The following SURF1 variants were observed in gnomAD, a reference collection of about 807,000 sequenced individuals.
SURF1 encodes the protein SURF1 cytochrome c oxidase assembly factor, also known as surfeit locus protein 1.
SURF1 carries 45 observed loss-of-function variants against 34.1 expected under a neutral mutation model. The ratio of observed to expected loss-of-function variants is 1.32; its 90% CI spans 1.04 to 1.69. SURF1 has a LOEUF of 1.69. Ranked by LOEUF, SURF1 falls within the 40% of genes most tolerant of loss-of-function variation. The pLI is 0.00. For synonymous variants in SURF1, 188 were observed against 147.5 expected (o/e 1.27, Z -1.99); for missense variants, 456 against 384.6 (o/e 1.19, Z -1.55).
chr9:133,352,343 T>A, intron 7 of SURF1, 103 bp downstream of exon 7: 2 of 1,577,516 alleles, frequency 1.3e-6, no homozygotes. Context: ...CATATACACA[T>A]GTGAGAACAT....
rs2130019668 is a variant in SURF1, at chr9:133,354,907, C to T, written c.157G>A (p.Ala53Thr). ...AAGGAGTCATCTTCCGCTTTTGTGGCAGATGCTTCTGCTGCAGAACTGCCA... is the reference window on the plus strand; with the variant it reads ...AAGGAGTCATCTTCCGCTTTTGTGGTAGATGCTTCTGCTGCAGAACTGCCA... ...RCGSSAAEAS[A>T]TKAEDDSFLQ... is the part of the protein sequence containing the mutation. Residue 53 changes from alanine to threonine, a missense_variant, in exon 3 of 9, where the codon GCC becomes ACC. By Grantham distance (58) the Ala-to-Thr change is moderately conservative. Coordinates refer to ENST00000371974, the MANE Select transcript of SURF1 (RefSeq NM_003172.4). 1.2e-6 allele frequency: 2 copies of T among 1,613,908 alleles called. No homozygotes were observed. The highest frequency in any genetic ancestry group is 2.2e-5 in the East Asian group (1 of 44,882).
intron 2 of SURF1, among the ~76,000 whole-genome samples, chr9:133,355,635 G>A (rs2130022241): frequency 0.53 from 79,802 of 151,978 alleles, 21,285 homozygotes; most frequent in African/African-American, 0.58. Flanking sequence ...ACTAGTGGTT[G>A]TTGTGTTATG....
At chr9:133,354,781 G>A in intron 3 of SURF1, 40 bp from the exon 4 acceptor site, 1 of 1,613,800 alleles carries the variant, frequency 6.2e-7, no homozygotes, top group Non-Finnish European at 8.5e-7. Flanking sequence ...ATGGCAGCAA[G>A]GTCAAGGGCC....
intron 1 of SURF1, 39 bp from the exon 2 acceptor site, chr9:133,356,359 T>TCCCTGCGCCCCGCA: frequency 2.2e-6 from 2 of 898,932 alleles, no homozygotes; most frequent in Non-Finnish European, 3.0e-6. Context: ...CCGGGACCCC[T>TCCCTGCGCCCCGCA]CCCCGCGCCC....
rs373355971 is a variant in SURF1, at chr9:133,352,606, A to C, written c.591T>G (p.Ile197Met). The C allele has an allele frequency of 9.3e-6, 15 of 1,613,982 alleles. No individual in the cohort carries two copies. The highest frequency in any genetic ancestry group is 1.1e-5 in the Non-Finnish European group (13 of 1,180,004). ...VNPETRQKGQ[I>M]EGEVDLIGMV... ...TCCCAATGAGGTCCACTTCTCCCTC[A>C]ATCTATAAAGGAAGGTGTGTGAGAT... The change falls in exon 7 of 9, where the codon ATT becomes ATG. Residue 197 changes from isoleucine (I) to methionine (M), a missense_variant and splice_region_variant. Coordinates refer to ENST00000371974, the MANE Select transcript of SURF1 (RefSeq NM_003172.4).
Position 133,354,815 on chromosome 9 carries a change from G to T in SURF1, c.240+9C>A, listed in dbSNP as rs2130018887. The T allele has an allele frequency of 5.0e-6, 8 of 1,613,738 alleles. No homozygotes were observed. The South Asian group carries it at 8.8e-5, about 18-fold the overall frequency. ...CCCAGAGTTACGCACACCAGATGCC[G>T]GTCTTTACCTGCCATGTCCCCAAGC... On this transcript the variant is annotated intron_variant, in intron 3 of 8. Coordinates refer to ENST00000371974, the MANE Select transcript of SURF1 (RefSeq NM_003172.4).
In SURF1 at chr9:133,354,818, C is replaced by G. The variant is rs2130018925; in HGVS notation, c.240+6G>C. 2.5e-6 allele frequency: 4 copies of G among 1,613,678 alleles called. No individual in the cohort carries two copies. The highest frequency in any genetic ancestry group is 2.2e-5 in the South Asian group (2 of 91,090). Reference sequence around the variant, plus strand: ...AGAGTTACGCACACCAGATGCCGGTCTTTACCTGCCATGTCCCCAAGCCAA... The same window carrying G: ...AGAGTTACGCACACCAGATGCCGGTGTTTACCTGCCATGTCCCCAAGCCAA... On this transcript the variant is annotated splice_donor_region_variant and intron_variant, in intron 3 of 8. Transcript: ENST00000371974.
intron 5 of SURF1, 24 bp from the exon 6 acceptor site, chr9:133,352,790 C>A (rs2130010271): frequency 3.1e-6 from 5 of 1,600,922 alleles, no homozygotes; most frequent in Non-Finnish European, 4.3e-6. Context: ...AGTGCTACTT[C>A]AGGTGGGGAG....
rs889239284 is a variant in SURF1 at position 133,352,610 on chromosome 9, TATAA to T, written c.589-6_589-3del. ...AATGAGGTCCACTTCTCCCTCAATC[TATAA>T]AGGAAGGTGTGTGAGATTGCATGGA... On this transcript the variant is annotated splice_polypyrimidine_tract_variant and splice_region_variant and intron_variant, in intron 6 of 8. Transcript: ENST00000371974. The T allele has an allele frequency of 6.2e-7, 1 of 1,614,158 alleles. No individual in the cohort carries two copies. The highest frequency in any genetic ancestry group is 1.7e-5 in the Admixed American group (1 of 60,024).
At chr9:133,352,195 A>C in intron 7 of SURF1, 53 bp from the exon 8 acceptor site, 2 of 1,529,238 alleles carry the variant, frequency 1.3e-6, no homozygotes, top group Non-Finnish European at 1.8e-6. Flanking sequence ...CAGCCTCTGC[A>C]CCACTTCCTA....
rs2130007067 is a variant in SURF1 at position 133,352,465 on chromosome 9, G to A, written c.732C>T (p.Ile244=). The change falls in exon 7 of 9, where the codon ATC becomes ATT. Residue 244 remains isoleucine, a synonymous_variant. Transcript: ENST00000371974. ...AMARITGAEP[I]FIDANFQSTV... ...ACGTACGGAAGTTGGCATCAATGAA[G>A]ATGGGCTCTGCGCCTGTGATTCTGG... 2 of 1,614,242 alleles carry A rather than the reference G, an allele frequency of 1.2e-6. No homozygotes were observed. Among genetic ancestry groups the A allele is most frequent in the Non-Finnish European group, 1.7e-6 (2 of 1,180,048 alleles).
intron 5 of SURF1, among the ~76,000 whole-genome samples, 165 bp downstream of exon 5, chr9:133,353,584 A>G (rs1263681724): frequency 6.6e-6 from 1 of 152,252 alleles, no homozygotes. Context: ...GATTAAGTCA[A>G]TGTCACAATT....
At chr9:133,355,814 A>G (rs75730904) in intron 2 of SURF1, among the ~76,000 whole-genome samples, 1 of 141,662 alleles carries the variant, frequency 7.1e-6, no homozygotes, top group Non-Finnish European at 1.5e-5. Context: ...TGCGGATACT[A>G]TTTTTTTTTT....
chr9:133,352,777 G>GA lies in SURF1; in HGVS notation c.516-12dup, dbSNP rs2130010170. On this transcript the variant is annotated splice_polypyrimidine_tract_variant and intron_variant, in intron 5 of 8. Coordinates refer to ENST00000371974, the MANE Select transcript of SURF1 (RefSeq NM_003172.4). ...ACCAGGATGGTGACTCTAGGGTAAT[G>GA]AAAGTGCTACTTCAGGTGGGGAGGG... 4 of 1,607,722 alleles carry GA rather than the reference G, an allele frequency of 2.5e-6. No homozygotes were observed. The South Asian group carries it at 3.3e-5, about 13-fold the overall frequency.
At position 133,354,809 on chromosome 9, in the gene SURF1, G is replaced by C; in HGVS notation, c.240+15C>G. The C allele has an allele frequency of 6.2e-7, 1 of 1,613,706 alleles. No homozygotes were observed. Among genetic ancestry groups the C allele is most frequent in the Non-Finnish European group, 8.5e-7 (1 of 1,180,000 alleles). The stretch of plus-strand genomic sequence containing the variant: ...CAAGGGCCCAGAGTTACGCACACCA[G>C]ATGCCGGTCTTTACCTGCCATGTCC... On this transcript the variant is annotated intron_variant, in intron 3 of 8. Transcript: ENST00000371974.
At chr9:133,352,357 C>T in intron 7 of SURF1, 89 bp downstream of exon 7, 3 of 1,600,902 alleles carry the variant, frequency 1.9e-6, no homozygotes, top group Non-Finnish European at 2.6e-6. Flanking sequence ...AGAACATAAG[C>T]CACAGTAGTG....
At chr9:133,355,775 T>C (rs935768451) in intron 2 of SURF1, among the ~76,000 whole-genome samples, 3 of 152,002 alleles carry the variant, frequency 2.0e-5, no homozygotes, top group African/African-American at 7.3e-5. Context: ...AGAGGATGAG[T>C]TCCATCCGCT....
chr9:133,353,806 G>A lies in SURF1; in HGVS notation c.458C>T (p.Ser153Phe). 6.2e-7 allele frequency: 1 copy of A among 1,613,828 alleles called. No homozygotes were observed. Residue 153 changes from serine (S) to phenylalanine (F), a missense_variant, in exon 5 of 9, where the codon TCC becomes TTC. Coordinates refer to ENST00000371974, the MANE Select transcript of SURF1 (RefSeq NM_003172.4). Reference protein sequence around the residue: ...VREAREGGLISSSTQSGAYVV... With the variant: ...VREAREGGLIFSSTQSGAYVV... ...ATAGGCCCCACTCTGAGTTGAGGAG[G>A]AGATGAGGCCGCCCTCCCGGGCCTC... is the stretch of plus-strand genomic sequence containing the variant.
Position 133,356,269 on chromosome 9 carries a change from C to G in SURF1, c.106G>C (p.Gly36Arg), listed in dbSNP as rs1836579970. 6.5e-7 allele frequency: 1 copy of G among 1,533,118 alleles called. No individual in the cohort carries two copies. Among genetic ancestry groups the G allele is most frequent in the Non-Finnish European group, 8.7e-7 (1 of 1,146,156 alleles). 95.0% of individuals were successfully genotyped at this position (1,533,118 alleles called of 1,614,324 possible). The change falls in exon 2 of 9, where the codon GGG (glycine) becomes CGG (arginine). Residue 36 changes from glycine to arginine, a missense_variant and splice_region_variant. By Grantham distance (125) the Gly-to-Arg change is moderately radical (BLOSUM62 -2). Coordinates refer to ENST00000371974, the MANE Select transcript of SURF1 (RefSeq NM_003172.4). ...TCACAGCCCGGCCTGCAGCCCTCAC[C>G]TGGGCGCGGGGAGACCCTGAGGACG... is the stretch of plus-strand genomic sequence containing the variant. ...RSVLRVSPRP[G>R]VAWRPSRCGS...
Sources: gnomAD v4.1 joint callset for allele counts (sites outside exome capture counted in the v4.1 genomes callset) on GRCh38, gnomAD v4.1.1 for gene constraint, MANE v1.5 for transcripts, NCBI Gene and HGNC (gene_info 2026-07-23, HGNC 2026-07-21) for gene names.